SCLT1: variants seen among roughly 807,000 people sequenced by gnomAD.
SCLT1 encodes the protein sodium channel-associated protein 1.
A neutral mutation model predicts 112.8 loss-of-function variants in SCLT1; 78 were observed. That is an observed-to-expected ratio of 0.69 (90% CI 0.58 to 0.83). The LOEUF is 0.83. SCLT1 is among the 40% of genes least tolerant of loss of function. The pLI is 0.00. For synonymous variants in SCLT1, 257 were observed against 254.7 expected (o/e 1.01, Z -0.09); for missense variants, 747 against 770.4 (o/e 0.97, Z 0.36).
At chr4:128,894,363 AACACACACACACACACACAC>A (rs10522940) in intron 18 of SCLT1, among the ~76,000 whole-genome samples, 2,535 of 143,006 alleles carry the variant, frequency 0.018, 40 homozygotes, top group East Asian at 0.076. Context: ...TTGAGTAAGT[AACACACACACACACACACAC>A]ACACACACAC....
chr4:128,992,050 G>T, intron 9 of SCLT1, 117 bp downstream of exon 9: 1 of 625,832 alleles, frequency 1.6e-6, no homozygotes, highest in Non-Finnish European at 2.8e-6. Context: ...GAAGATATTG[G>T]CAGAAGCTTA....
chr4:129,088,878 A>G (rs948967940), intron 1 of SCLT1, among the ~76,000 whole-genome samples: 4 of 152,214 alleles, frequency 2.6e-5, no homozygotes, highest in African/African-American at 7.2e-5. Context: ...ACTTAAATGT[A>G]AGACCTAAAA....
At chr4:128,883,196 C>T (rs530713070), downstream of SCLT1, among the ~76,000 whole-genome samples, 44 of 150,518 alleles carry the variant, frequency 2.9e-4, no homozygotes, top group South Asian at 2.1e-3. Context: ...CAGAGAGACC[C>T]TGTATTGGGA....
At chr4:129,028,917 T>C (rs902337773) in intron 5 of SCLT1, among the ~76,000 whole-genome samples, 1 of 151,536 alleles carries the variant, frequency 6.6e-6, no homozygotes, top group Non-Finnish European at 1.5e-5. Flanking sequence ...CCAAAAAGCA[T>C]GTGAAAAAAC....
intron 18 of SCLT1, among the ~76,000 whole-genome samples, chr4:128,915,714 T>TTTCA (rs200951533): frequency 0.031 from 4,736 of 152,168 alleles, 216 homozygotes; most frequent in African/African-American, 0.1. Context: ...ATTCACTAGC[T>TTTCA]TTCATTCATT....
At chr4:129,023,781 T>G (rs554181106) in intron 5 of SCLT1, among the ~76,000 whole-genome samples, 5 of 152,284 alleles carry the variant, frequency 3.3e-5, no homozygotes, top group Non-Finnish European at 4.4e-5. Flanking sequence ...TTCCCTTTCC[T>G]AGTCAAAGAA....
intron 2 of SCLT1, among the ~76,000 whole-genome samples, chr4:129,070,557 T>G (rs1434227226): frequency 6.6e-6 from 1 of 152,200 alleles, no homozygotes; most frequent in East Asian, 1.9e-4. Flanking sequence ...AAGGTGTTCA[T>G]AGTAGACTTA....
At chr4:129,054,110 A>G (rs1287082807) in intron 2 of SCLT1, among the ~76,000 whole-genome samples, 7 of 152,166 alleles carry the variant, frequency 4.6e-5, no homozygotes, top group Non-Finnish European at 8.8e-5. Context: ...GTTTCTGCCA[A>G]GAGATTCGCT....
intron 9 of SCLT1, among the ~76,000 whole-genome samples, chr4:128,978,216 T>G (rs865860024): frequency 6.6e-6 from 1 of 152,040 alleles, no homozygotes; most frequent in Non-Finnish European, 1.5e-5. Context: ...AAATAAAAAG[T>G]TTGAAAACCA....
In SCLT1 at chr4:129,045,245, G is replaced by A. The variant is rs1051593764; in HGVS notation, c.103-1194C>T. Reference sequence around the variant, plus strand: ...TTTGTTTGCAAATATCCCAAGCAGCGCCTGCCATACTTTTTTGCTCAAATT... The same window carrying A: ...TTTGTTTGCAAATATCCCAAGCAGCACCTGCCATACTTTTTTGCTCAAATT... On this transcript the variant is annotated intron_variant, in intron 2 of 20. Transcript: ENST00000281142. 3.9e-5 allele frequency among the ~76,000 whole-genome samples: 6 copies of A among 151,984 alleles called. No homozygotes were observed. In the South Asian group the frequency reaches 8.3e-4, roughly 21 times the overall value.
chr4:128,947,564 T>C (rs1463402183), intron 15 of SCLT1, among the ~76,000 whole-genome samples: 1 of 152,186 alleles, frequency 6.6e-6, no homozygotes, highest in African/African-American at 2.4e-5. Context: ...ATTTACCACT[T>C]TTTAACATTG....
intron 4 of SCLT1, among the ~76,000 whole-genome samples, chr4:129,041,107 G>C (rs1332982016): frequency 6.6e-6 from 1 of 152,096 alleles, no homozygotes; most frequent in African/African-American, 2.4e-5. Context: ...TGTTATTACA[G>C]GAATTTAGAG....
intron 18 of SCLT1, among the ~76,000 whole-genome samples, chr4:128,900,751 C>T (rs1734212767): frequency 6.6e-6 from 1 of 152,022 alleles, no homozygotes; most frequent in Non-Finnish European, 1.5e-5. Flanking sequence ...ACCTACAGAA[C>T]AGGAGAAAAT....
At chr4:129,027,456 G>A (rs1159844306) in intron 5 of SCLT1, among the ~76,000 whole-genome samples, 2 of 152,128 alleles carry the variant, frequency 1.3e-5, no homozygotes, top group Non-Finnish European at 2.9e-5. Flanking sequence ...TGCGGAAAAG[G>A]CCTTTGACAA....
intron 5 of SCLT1, among the ~76,000 whole-genome samples, chr4:129,015,256 G>A (rs1389018050): frequency 6.6e-6 from 1 of 152,108 alleles, no homozygotes; most frequent in Non-Finnish European, 1.5e-5. Flanking sequence ...ATGGGTCCAG[G>A]GGTGGCTGCA....
chr4:128,957,066 G>A lies in SCLT1; in HGVS notation c.1106C>T (p.Ser369Phe). 6.2e-7 allele frequency: 1 copy of A among 1,601,742 alleles called. No individual in the cohort carries two copies. The highest frequency in any genetic ancestry group is 8.5e-7 in the Non-Finnish European group (1 of 1,172,766). Residue 369 changes from serine to phenylalanine, a missense_variant, in exon 13 of 21, where the codon TCT (serine) becomes TTT (phenylalanine). Ser to Phe is a radical substitution (Grantham distance 155). Transcript: ENST00000281142. ...TATGGTAGCATCTTGTACAAACCGA[G>A]AAACTGTCTCTTTCATTTTCTCTAT... ...EDIEKMKETVSRFVQDATIRT... is the reference protein window; with the variant it reads ...EDIEKMKETVFRFVQDATIRT...
intron 4 of SCLT1, among the ~76,000 whole-genome samples, chr4:129,041,081 AC>A (rs1399099652): frequency 3.3e-5 from 5 of 152,218 alleles, no homozygotes; most frequent in Non-Finnish European, 7.4e-5. Context: ...TCCTATAACA[AC>A]CAAAGTACAT....
chr4:129,002,110 T>A (rs1371918896), intron 6 of SCLT1, among the ~76,000 whole-genome samples: 1 of 151,958 alleles, frequency 6.6e-6, no homozygotes, highest in African/African-American at 2.4e-5. Flanking sequence ...TAAAACCAAA[T>A]TTTCAGGAAA....
At chr4:129,060,626 G>A (rs1393673835) in intron 2 of SCLT1, among the ~76,000 whole-genome samples, 1 of 152,128 alleles carries the variant, frequency 6.6e-6, no homozygotes, top group Non-Finnish European at 1.5e-5. Flanking sequence ...GTTTCTTAGT[G>A]GCCTAGGCTG....
Sources: gnomAD v4.1 joint callset for allele counts (sites outside exome capture counted in the v4.1 genomes callset) on GRCh38, gnomAD v4.1.1 for gene constraint, MANE v1.5 for transcripts, NCBI Gene and HGNC (gene_info 2026-07-23, HGNC 2026-07-21) for gene names.